Variants in IQGAP2 observed in about 807,000 individuals in gnomAD.
The protein encoded by IQGAP2 is ras GTPase-activating-like protein IQGAP2.
IQGAP2 carries 173 observed loss-of-function variants against 201.3 expected under a neutral mutation model. That is an observed-to-expected ratio of 0.86 (90% confidence interval 0.76 to 0.98). IQGAP2 has a LOEUF of 0.98. IQGAP2 is among the 50% of genes least tolerant of loss of function. IQGAP2 has a pLI of 0.00. For missense variants in IQGAP2, 1,687 were observed against 1,864.8 expected (o/e 0.90, Z 1.76); for synonymous variants, 675 against 673.9 (o/e 1.00, Z -0.03).
rs1746911836 is a variant in IQGAP2 at position 76,697,986 on chromosome 5, G to A, written c.4207-1G>A. On this transcript the variant is annotated splice_acceptor_variant, in intron 32 of 35. Coordinates refer to ENST00000274364, the MANE Select transcript of IQGAP2 (RefSeq NM_006633.5). LOFTEE classifies it high-confidence loss of function. ...ATGATACCCCTTACTTGTTGTTTTA[G>A]GATATTCGAAATCAAAGAATCTATC... 6.2e-7 allele frequency: 1 copy of A among 1,608,794 alleles called. No individual in the cohort carries two copies. The highest frequency in any genetic ancestry group is 1.1e-5 in the South Asian group (1 of 89,976).
intron 1 of IQGAP2, among the ~76,000 whole-genome samples, chr5:76,457,446 T>G (rs181477231): frequency 6.4e-4 from 97 of 152,306 alleles, no homozygotes; most frequent in Non-Finnish European, 9.0e-4. Flanking sequence ...TGCCAAACTT[T>G]CAATTGTTTA....
At chr5:76,472,760 G>T (rs532961441) in intron 2 of IQGAP2, among the ~76,000 whole-genome samples, 2 of 152,264 alleles carry the variant, frequency 1.3e-5, no homozygotes, top group South Asian at 4.1e-4. Flanking sequence ...CAAATAATCG[G>T]TATTAATCAT....
Position 76,426,148 on chromosome 5 carries a change from C to T in IQGAP2, c.46+22557C>T, listed in dbSNP as rs142575514. Among the ~76,000 whole-genome samples, 9 of 152,304 alleles carry T rather than the reference C, an allele frequency of 5.9e-5. No homozygotes were observed. In the East Asian group the frequency reaches 1.5e-3, roughly 26 times the overall value. Reference sequence around the variant, plus strand: ...AAGGGCCAAATTAGACATAATTGCACATCAGTTTCACGTTAAGGTCTGTGG... The same window carrying T: ...AAGGGCCAAATTAGACATAATTGCATATCAGTTTCACGTTAAGGTCTGTGG... On this transcript the variant is annotated intron_variant, in intron 1 of 35. Coordinates refer to ENST00000274364, the MANE Select transcript of IQGAP2 (RefSeq NM_006633.5).
At chr5:76,420,394 G>A (rs918058419) in intron 1 of IQGAP2, among the ~76,000 whole-genome samples, 1 of 57,120 alleles carries the variant, frequency 1.8e-5, no homozygotes, top group African/African-American at 7.3e-5. Flanking sequence ...TTTTTTTTTT[G>A]AGACAGAGTC....
intron 28 of IQGAP2, among the ~76,000 whole-genome samples, chr5:76,682,321 T>G (rs1479832427): frequency 2.0e-5 from 3 of 152,134 alleles, no homozygotes. Context: ...AACAACAAAT[T>G]TTATCTCCTG....
intron 30 of IQGAP2, among the ~76,000 whole-genome samples, chr5:76,685,737 A>T (rs1247646182): frequency 6.6e-6 from 1 of 152,082 alleles, no homozygotes; most frequent in Non-Finnish European, 1.5e-5. Context: ...CCACTTCTTT[A>T]ATCACCACAC....
At chr5:76,438,953 G>A (rs1330501559) in intron 1 of IQGAP2, among the ~76,000 whole-genome samples, 1 of 146,950 alleles carries the variant, frequency 6.8e-6, no homozygotes, top group Non-Finnish European at 1.5e-5. Flanking sequence ...GTTTGTTCGT[G>A]TTTCTGTAGT....
At chr5:76,456,187 G>A (rs908859273) in intron 1 of IQGAP2, among the ~76,000 whole-genome samples, 2 of 152,168 alleles carry the variant, frequency 1.3e-5, no homozygotes, top group African/African-American at 4.8e-5. Flanking sequence ...GATGAGACTC[G>A]AGGGCCTGTG....
chr5:76,511,450 C>T (rs1238153745), intron 2 of IQGAP2, among the ~76,000 whole-genome samples: 1 of 152,234 alleles, frequency 6.6e-6, no homozygotes, highest in African/African-American at 2.4e-5. Flanking sequence ...GTTTCCTGCT[C>T]TCTCCTCCTG....
At chr5:76,657,431 G>A (rs1038371375) in intron 20 of IQGAP2, among the ~76,000 whole-genome samples, 2 of 152,180 alleles carry the variant, frequency 1.3e-5, no homozygotes, top group African/African-American at 4.8e-5. Flanking sequence ...CTCCAATAAA[G>A]GCCATTTATG....
At chr5:76,677,181 T>C (rs759292187) in intron 27 of IQGAP2, 37 bp from the exon 28 acceptor site, 2 of 1,593,448 alleles carry the variant, frequency 1.3e-6, no homozygotes, top group African/African-American at 2.7e-5. Context: ...AATGCACATG[T>C]TTGAGTCTGT....
At chr5:76,622,080 G>A (rs1486482088) in intron 13 of IQGAP2, among the ~76,000 whole-genome samples, 1 of 152,170 alleles carries the variant, frequency 6.6e-6, no homozygotes, top group African/African-American at 2.4e-5. Flanking sequence ...AATAAGGCAG[G>A]TTGGACAAGC....
At chr5:76,425,855 G>A (rs1342198904) in intron 1 of IQGAP2, among the ~76,000 whole-genome samples, 2 of 152,146 alleles carry the variant, frequency 1.3e-5, no homozygotes, top group African/African-American at 4.8e-5. Context: ...ATGGGTCAGT[G>A]CGTGCATACC....
At chr5:76,610,494 G>A (rs1344415545) in intron 12 of IQGAP2, among the ~76,000 whole-genome samples, 1 of 151,700 alleles carries the variant, frequency 6.6e-6, no homozygotes, top group Non-Finnish European at 1.5e-5. Context: ...CTTGAACACA[G>A]GAGGCGGAGG....
intron 28 of IQGAP2, 75 bp from the exon 29 acceptor site, chr5:76,683,040 G>GAA: frequency 1.2e-6 from 1 of 867,758 alleles, no homozygotes; most frequent in Non-Finnish European, 1.8e-6. Flanking sequence ...AGGAAATTAT[G>GAA]AAAAATTTCA....
chr5:76,663,779 C>T (rs1214519851), intron 21 of IQGAP2, among the ~76,000 whole-genome samples: 1 of 151,850 alleles, frequency 6.6e-6, no homozygotes, highest in Non-Finnish European at 1.5e-5. Flanking sequence ...GCCATCCTCC[C>T]ATGTTGGCCT....
chr5:76,674,872 G>C (rs991520034), intron 27 of IQGAP2, among the ~76,000 whole-genome samples, 163 bp downstream of exon 27: 1 of 152,160 alleles, frequency 6.6e-6, no homozygotes, highest in Non-Finnish European at 1.5e-5. Flanking sequence ...GGGAAGTGCA[G>C]GCAAGATTGC....
intron 30 of IQGAP2, among the ~76,000 whole-genome samples, chr5:76,685,559 A>G (rs1032858550): frequency 1.5e-4 from 23 of 152,280 alleles, no homozygotes; most frequent in African/African-American, 5.5e-4. Context: ...TGCAAATTCT[A>G]GGAAATCACA....
chr5:76,646,725 G>T (rs1033334288), intron 17 of IQGAP2, among the ~76,000 whole-genome samples: 4 of 151,670 alleles, frequency 2.6e-5, no homozygotes, highest in African/African-American at 4.8e-5. Context: ...GTTTTTTTTT[G>T]AGGGCAATTG....
Sources: gnomAD v4.1 joint callset for allele counts (sites outside exome capture counted in the v4.1 genomes callset) on GRCh38, gnomAD v4.1.1 for gene constraint, MANE v1.5 for transcripts, NCBI Gene and HGNC (gene_info 2026-07-23, HGNC 2026-07-21) for gene names.